The following INPP4A variants were observed in gnomAD, a reference collection of about 807,000 sequenced individuals.
INPP4A encodes the protein inositol polyphosphate-4-phosphatase, type I, 107kD.
In INPP4A, 33 loss-of-function variants were observed where a neutral mutation model predicts 119.8. The observed-to-expected ratio is 0.28, with a 90% CI of 0.21 to 0.37. INPP4A has a LOEUF of 0.37. Ranked by LOEUF, INPP4A falls within the 10% of genes least tolerant of loss-of-function variation. The probability of loss-of-function intolerance (pLI) is 1.00; values close to 1 mark genes in which losing one functional copy is unlikely to be tolerated. For synonymous variants in INPP4A, 496 were observed against 500.7 expected (o/e 0.99, Z 0.12); for missense variants, 956 against 1,289.9 (o/e 0.74, Z 3.97).
At chr2:98,563,733 A>C in intron 18 of INPP4A, 96 bp downstream of exon 18, 1 of 1,264,220 alleles carries the variant, frequency 7.9e-7, no homozygotes, top group Non-Finnish European at 1.1e-6. Flanking sequence ...CACTTGTAAA[A>C]GACCCCAGAT....
Position 98,544,048 on chromosome 2 carries a change from CA to C in INPP4A, c.949+42del, listed in dbSNP as rs779701890. 345 of 1,288,846 alleles carry C rather than the reference CA, an allele frequency of 2.7e-4. No homozygotes were observed. In the African/African-American group the frequency reaches 6.0e-3, roughly 23 times the overall value. The allele number at this position is 1,288,846 out of a possible 1,614,324, so 79.8% of individuals were successfully genotyped here. On this transcript the variant is annotated intron_variant, in intron 11 of 24. Coordinates refer to ENST00000409851, the MANE Select transcript of INPP4A (RefSeq NM_001134225.2). ...TGCTGTCACCACACACGCGTGCGCA[CA>C]CACACACACACACACTCTCACTCTC... is the stretch of plus-strand genomic sequence containing the variant.
chr2:98,577,986 A>G (rs1476728321), intron 24 of INPP4A, among the ~76,000 whole-genome samples: 1 of 152,126 alleles, frequency 6.6e-6, no homozygotes, highest in Non-Finnish European at 1.5e-5. Flanking sequence ...TCCTTTCTGT[A>G]TGTTTCTGCC....
intron 13 of INPP4A, among the ~76,000 whole-genome samples, chr2:98,549,525 A>C (rs758730713): frequency 6.6e-6 from 1 of 152,132 alleles, no homozygotes; most frequent in Non-Finnish European, 1.5e-5. Context: ...TAATTAGATG[A>C]CAGTTAGAAA....
At chr2:98,460,419 C>T (rs374673663) in intron 1 of INPP4A, among the ~76,000 whole-genome samples, 35 of 152,080 alleles carry the variant, frequency 2.3e-4, no homozygotes, top group African/African-American at 8.0e-4. Flanking sequence ...CCAGATCACC[C>T]GGGGGGCTCG....
intron 1 of INPP4A, among the ~76,000 whole-genome samples, chr2:98,455,948 T>C (rs1200263242): frequency 6.6e-6 from 1 of 152,174 alleles, no homozygotes; most frequent in Non-Finnish European, 1.5e-5. Flanking sequence ...CCCGTGCCTT[T>C]CCTTGGCTTT....
chr2:98,446,171 G>T (rs977506026), intron 1 of INPP4A, among the ~76,000 whole-genome samples: 3 of 152,164 alleles, frequency 2.0e-5, no homozygotes, highest in Non-Finnish European at 4.4e-5. Flanking sequence ...AGCCTTTTTT[G>T]CTGAGTTTGT....
intron 11 of INPP4A, among the ~76,000 whole-genome samples, chr2:98,544,686 T>G (rs752516795): frequency 1.6e-4 from 24 of 152,254 alleles, no homozygotes; most frequent in Non-Finnish European, 2.9e-4. Context: ...CATTTTGAAT[T>G]ATTCTCTATT....
intron 1 of INPP4A, among the ~76,000 whole-genome samples, chr2:98,470,760 C>T (rs773206878): frequency 1.2e-4 from 19 of 152,132 alleles, no homozygotes; most frequent in African/African-American, 3.1e-4. Flanking sequence ...CTCCGCCTCC[C>T]GGGTTTAAGC....
chr2:98,556,871 C>T (rs2106249853), intron 16 of INPP4A, among the ~76,000 whole-genome samples: 1 of 152,312 alleles, frequency 6.6e-6, no homozygotes. Context: ...ATCTCTCCAT[C>T]TATGGGGGAT....
In INPP4A at chr2:98,558,944, T is replaced by G. The variant is rs375998820; in HGVS notation, c.1823-519T>G. Among the ~76,000 whole-genome samples the G allele has an allele frequency of 2.1e-3, 320 of 152,324 alleles. 1 individual carries two copies. Among genetic ancestry groups the G allele is most frequent in the African/African-American group, 7.4e-3 (308 of 41,576 alleles). ...TGGCATAGAGTTTTTTTTGGTATAC[T>G]GGTTTCATTCCTGGATCTTAACACT... On this transcript the variant is annotated intron_variant, in intron 16 of 24. Transcript: ENST00000409851.
rs1700452092 is a variant in INPP4A, at chr2:98,592,581, G to C, written c.*4973G>C. On this transcript the variant is annotated 3_prime_UTR_variant, in exon 25 of 25. Transcript: ENST00000409851. ...TGAAATCAGGAAGACAGAAAAAAAA[G>C]CAAAATAGCATCCTTTTCTGAGAGG... 6.6e-6 allele frequency: 1 copy of C among 152,184 alleles called. No individual in the cohort carries two copies. Among genetic ancestry groups the C allele is most frequent in the African/African-American group, 2.4e-5 (1 of 41,438 alleles). 9.4% of individuals were successfully genotyped at this position (152,184 alleles called of 1,614,324 possible).
intron 1 of INPP4A, among the ~76,000 whole-genome samples, chr2:98,470,151 T>C (rs1016701610): frequency 2.5e-4 from 38 of 152,216 alleles, no homozygotes; most frequent in African/African-American, 9.2e-4. Flanking sequence ...ACACATGACA[T>C]GTTGATGAGT....
intron 1 of INPP4A, among the ~76,000 whole-genome samples, chr2:98,507,444 T>C (rs1340668515): frequency 6.6e-6 from 1 of 152,168 alleles, no homozygotes; most frequent in Non-Finnish European, 1.5e-5. Context: ...ACACGTGCTG[T>C]AGGGAAATCT....
rs1204183108 is a variant in INPP4A at position 98,512,812 on chromosome 2, G to A, written c.-165-6152G>A. On this transcript the variant is annotated intron_variant, in intron 1 of 24. Coordinates refer to ENST00000409851, the MANE Select transcript of INPP4A (RefSeq NM_001134225.2). ...GACCAGGGTGCTGGGGGCCTGGTGGGCTTGGAGCCAGAGCCCCGAGAGGCA... is the reference window on the plus strand; with the variant it reads ...GACCAGGGTGCTGGGGGCCTGGTGGACTTGGAGCCAGAGCCCCGAGAGGCA... Among the ~76,000 whole-genome samples, 5 of 152,310 alleles carry A rather than the reference G, an allele frequency of 3.3e-5. No individual in the cohort carries two copies. In the East Asian group the frequency reaches 7.7e-4, roughly 24 times the overall value.
intron 22 of INPP4A, among the ~76,000 whole-genome samples, chr2:98,572,277 C>A (rs1697601540): frequency 6.6e-6 from 1 of 152,212 alleles, no homozygotes; most frequent in South Asian, 2.1e-4. Flanking sequence ...TAGAGACTGC[C>A]AGAGTGGAGG....
At chr2:98,544,116 C>CTGT in intron 11 of INPP4A, 109 bp downstream of exon 11, 1 of 1,031,138 alleles carries the variant, frequency 9.7e-7, no homozygotes, top group Non-Finnish European at 1.4e-6. Context: ...GGATCTGGAA[C>CTGT]ACAGGGTCAC....
rs946543219 is a variant in INPP4A, at chr2:98,566,558, T to C, written c.2420+389T>C. On this transcript the variant is annotated intron_variant, in intron 21 of 24. Coordinates refer to ENST00000409851, the MANE Select transcript of INPP4A (RefSeq NM_001134225.2). The surrounding 1 kb of genome is among the most constrained non-coding windows in gnomAD (Gnocchi z 4.2). Reference sequence around the variant, plus strand: ...GATGATGAGGTGGAGGGGAGACATGTCAGATTAAGAAGACTGAAGAAAGGC... The same window carrying C: ...GATGATGAGGTGGAGGGGAGACATGCCAGATTAAGAAGACTGAAGAAAGGC... Among the ~76,000 whole-genome samples the C allele has an allele frequency of 7.2e-5, 11 of 151,982 alleles. No individual in the cohort carries two copies. The highest frequency in any genetic ancestry group is 2.4e-4 in the African/African-American group (10 of 41,358).
At chr2:98,472,663 G>A (rs1008193025) in intron 1 of INPP4A, among the ~76,000 whole-genome samples, 2 of 152,240 alleles carry the variant, frequency 1.3e-5, no homozygotes, top group Non-Finnish European at 1.5e-5. Flanking sequence ...GCTCACTGAG[G>A]GTCTGTGGTG....
intron 4 of INPP4A, among the ~76,000 whole-genome samples, chr2:98,523,697 C>T (rs751144420): frequency 1.3e-5 from 2 of 152,006 alleles, no homozygotes; most frequent in African/African-American, 4.8e-5. Context: ...CCTGGCCACC[C>T]CAGTTTTTTA....
Sources: allele counts gnomAD v4.1 joint callset (sites outside exome capture counted in the v4.1 genomes callset), GRCh38; gene constraint gnomAD v4.1.1; non-coding constraint Gnocchi (gnomAD v3.1); transcripts MANE v1.5; gene names NCBI Gene and HGNC (gene_info 2026-07-23, HGNC 2026-07-21).